The following SLX4IP variants were observed in gnomAD, a reference collection of about 807,000 sequenced individuals.
SLX4IP encodes protein SLX4IP.
A neutral mutation model predicts 32.9 loss-of-function variants in SLX4IP; 34 were observed. The ratio of observed to expected loss-of-function variants is 1.03; its 90% confidence interval spans 0.79 to 1.38. The LOEUF (loss-of-function observed/expected upper bound fraction) is 1.38. Among genes scored for constraint, SLX4IP ranks in the 40% most tolerant of loss-of-function variants. The pLI, the probability that SLX4IP is intolerant of heterozygous loss-of-function variation, is 0.00. For synonymous variants in SLX4IP, 172 were observed against 171.7 expected (o/e 1.00, Z -0.01); for missense variants, 444 against 479.0 (o/e 0.93, Z 0.68).
At chr20:10,439,184 T>C (rs935273473) in intron 1 of SLX4IP, among the ~76,000 whole-genome samples, 2 of 152,182 alleles carry the variant, frequency 1.3e-5, no homozygotes, top group Admixed American at 1.3e-4. Flanking sequence ...GCTTTGTTCT[T>C]CTCTAGCTTA....
At chr20:10,587,079 G>C (rs775163877) in intron 4 of SLX4IP, among the ~76,000 whole-genome samples, 1 of 151,740 alleles carries the variant, frequency 6.6e-6, no homozygotes, top group Non-Finnish European at 1.5e-5. Context: ...AAAAAAACAG[G>C]ACAATAAAAG....
chr20:10,514,445 G>A (rs1023941844), intron 2 of SLX4IP, among the ~76,000 whole-genome samples: 21 of 152,082 alleles, frequency 1.4e-4, no homozygotes, highest in African/African-American at 4.8e-4. Context: ...TGACATTAGG[G>A]CACCAAGTGC....
At chr20:10,524,423 A>T (rs1279073773) in intron 2 of SLX4IP, among the ~76,000 whole-genome samples, 1 of 152,176 alleles carries the variant, frequency 6.6e-6, no homozygotes, top group East Asian at 1.9e-4. Flanking sequence ...TTGCCGAGAA[A>T]CATGAAATGA....
chr20:10,510,826 G>A (rs1235565239), intron 2 of SLX4IP, among the ~76,000 whole-genome samples: 4 of 152,076 alleles, frequency 2.6e-5, no homozygotes, highest in African/African-American at 7.2e-5. Flanking sequence ...GGATGGTCTC[G>A]ATCTCTCGAC....
At chr20:10,486,221 C>T (rs1254212111) in intron 2 of SLX4IP, among the ~76,000 whole-genome samples, 1 of 146,060 alleles carries the variant, frequency 6.8e-6, no homozygotes, top group Non-Finnish European at 1.5e-5. Flanking sequence ...GGCATCCTAA[C>T]ACAGTCTTGC....
Position 10,624,403 on chromosome 20 carries a change from A to G in SLX4IP, c.*1024A>G, listed in dbSNP as rs910057291. 6.6e-6 allele frequency: 1 copy of G among 152,106 alleles called. No homozygotes were observed. The highest frequency in any genetic ancestry group is 1.5e-5 in the Non-Finnish European group (1 of 68,030). 9.4% of individuals were successfully genotyped at this position (152,106 alleles called of 1,614,324 possible). ...TCAAGATGGGAGCCTTCCCTTTACA[A>G]TGTCACCCACTGTCTCCAGTGGGCT... On this transcript the variant is annotated 3_prime_UTR_variant, in exon 8 of 8. Coordinates refer to ENST00000334534, the MANE Select transcript of SLX4IP (RefSeq NM_001009608.3).
intron 6 of SLX4IP, among the ~76,000 whole-genome samples, chr20:10,603,238 T>C (rs1408087805): frequency 1.3e-5 from 2 of 152,256 alleles, no homozygotes; most frequent in Non-Finnish European, 2.9e-5. Flanking sequence ...TTAGATCTTC[T>C]ATCTGATATG....
intron 4 of SLX4IP, among the ~76,000 whole-genome samples, chr20:10,591,644 A>G (rs558797753): frequency 5.3e-5 from 8 of 152,342 alleles, no homozygotes; most frequent in Admixed American, 2.0e-4. Flanking sequence ...TTATAAGTAC[A>G]CAGTATTATA....
chr20:10,565,361 G>T (rs2066380127), intron 4 of SLX4IP, among the ~76,000 whole-genome samples: 1 of 152,146 alleles, frequency 6.6e-6, no homozygotes, highest in Non-Finnish European at 1.5e-5. Context: ...CTGTTGTGAA[G>T]CTACGCAAAA....
At chr20:10,533,098 G>C (rs2066003662) in intron 2 of SLX4IP, among the ~76,000 whole-genome samples, 1 of 152,032 alleles carries the variant, frequency 6.6e-6, no homozygotes, top group Non-Finnish European at 1.5e-5. Flanking sequence ...TTTGTGTCAA[G>C]AAGGAGAAAC....
chr20:10,484,485 A>G (rs2065554815), intron 2 of SLX4IP, among the ~76,000 whole-genome samples: 1 of 152,130 alleles, frequency 6.6e-6, no homozygotes, highest in Non-Finnish European at 1.5e-5. Flanking sequence ...CAGCTTCTCA[A>G]TGGTCAGCTT....
At chr20:10,492,206 G>T (rs967096218) in intron 2 of SLX4IP, among the ~76,000 whole-genome samples, 1 of 152,138 alleles carries the variant, frequency 6.6e-6, no homozygotes. Context: ...ATAGGGAGAA[G>T]GTGCACAGAA....
chr20:10,459,079 A>G (rs776486330), intron 2 of SLX4IP, among the ~76,000 whole-genome samples: 17 of 152,060 alleles, frequency 1.1e-4, no homozygotes, highest in Non-Finnish European at 2.4e-4. Context: ...ATGGTATTGC[A>G]TTGTTTTGGA....
rs1219011209 is a variant in SLX4IP at position 10,515,528 on chromosome 20, T to A, written c.28-40703T>A. 2.0e-5 allele frequency among the ~76,000 whole-genome samples: 3 copies of A among 152,220 alleles called. No individual in the cohort carries two copies. In the East Asian group the frequency reaches 5.8e-4, roughly 29 times the overall value. ...TGTAATTACCAGTTTTACTTTGTTT[T>A]GGCTTATTTAAAAGTGTTGGCTCCT... On this transcript the variant is annotated intron_variant, in intron 2 of 7. Coordinates refer to ENST00000334534, the MANE Select transcript of SLX4IP (RefSeq NM_001009608.3).
chr20:10,596,069 T>C (rs1427032569), intron 4 of SLX4IP, among the ~76,000 whole-genome samples: 1 of 152,190 alleles, frequency 6.6e-6, no homozygotes, highest in Non-Finnish European at 1.5e-5. Flanking sequence ...CTTATACTGC[T>C]TTCTTTTTCT....
intron 2 of SLX4IP, among the ~76,000 whole-genome samples, chr20:10,518,717 G>A (rs2065880529): frequency 6.6e-6 from 1 of 151,908 alleles, no homozygotes; most frequent in Admixed American, 6.6e-5. Context: ...ATGGGTGGGA[G>A]TCACCACATC....
At chr20:10,499,052 A>G (rs1245629721) in intron 2 of SLX4IP, among the ~76,000 whole-genome samples, 1 of 152,158 alleles carries the variant, frequency 6.6e-6, no homozygotes, top group Non-Finnish European at 1.5e-5. Context: ...CTTTACAGCA[A>G]TCATTATTAT....
intron 2 of SLX4IP, among the ~76,000 whole-genome samples, chr20:10,508,471 A>G (rs1389883093): frequency 2.6e-5 from 4 of 152,232 alleles, no homozygotes; most frequent in African/African-American, 9.6e-5. Context: ...GATAGAAATG[A>G]TCCTGAAGTA....
chr20:10,448,235 AT>A (rs370270568), intron 1 of SLX4IP, among the ~76,000 whole-genome samples: 311 of 152,130 alleles, frequency 2.0e-3, no homozygotes, highest in African/African-American at 7.2e-3. Context: ...CGGTGGGATG[AT>A]TTCCTTCTTA....
Sources: gnomAD v4.1 joint callset for allele counts (sites outside exome capture counted in the v4.1 genomes callset) on GRCh38, gnomAD v4.1.1 for gene constraint, MANE v1.5 for transcripts, NCBI Gene and HGNC (gene_info 2026-07-23, HGNC 2026-07-21) for gene names.